The following ADAMTSL3 variants were observed in gnomAD, a reference collection of about 807,000 sequenced individuals.
ADAMTSL3 encodes ADAMTS like 3.
In ADAMTSL3, 128 loss-of-function variants were observed where a neutral mutation model predicts 201.7. The ratio of observed to expected loss-of-function variants is 0.63; its 90% confidence interval spans 0.55 to 0.73. The LOEUF (loss-of-function observed/expected upper bound fraction) is 0.73, where lower values mean the gene tolerates loss of function less well. Ranked by LOEUF, ADAMTSL3 falls within the 30% of genes least tolerant of loss-of-function variation. The probability of loss-of-function intolerance (pLI) is 0.00; values close to 1 mark genes in which losing one functional copy is unlikely to be tolerated. For synonymous variants in ADAMTSL3, 738 were observed against 748.4 expected, an observed-to-expected ratio of 0.99 and a Z score of 0.23; for missense variants, 1,990 against 2,119.6, an observed-to-expected ratio of 0.94 and a Z score of 1.20.
intron 3 of ADAMTSL3, among the ~76,000 whole-genome samples, chr15:83,740,706 C>G (rs1313538287): frequency 6.6e-6 from 1 of 152,048 alleles, no homozygotes; most frequent in African/African-American, 2.4e-5. Flanking sequence ...TTTGAGAAGA[C>G]CAATACAGTA....
chr15:83,785,039 C>T (rs1467653074), intron 4 of ADAMTSL3, among the ~76,000 whole-genome samples: 1 of 152,132 alleles, frequency 6.6e-6, no homozygotes. Flanking sequence ...CCCATTTCTT[C>T]CTTTGAGCAT....
intron 14 of ADAMTSL3, among the ~76,000 whole-genome samples, 181 bp from the exon 15 acceptor site, chr15:83,899,466 A>G (rs932828203): frequency 2.0e-5 from 3 of 152,200 alleles, no homozygotes; most frequent in African/African-American, 7.2e-5. Flanking sequence ...TTTTTTTAAT[A>G]TACAGCAGAA....
At chr15:84,016,618 T>G (rs1382816726) in intron 25 of ADAMTSL3, 119 bp downstream of exon 25, 2 of 824,754 alleles carry the variant, frequency 2.4e-6, no homozygotes, top group African/African-American at 3.5e-5. Flanking sequence ...TTCTAGGCAT[T>G]TGGCCAGCCT....
intron 3 of ADAMTSL3, among the ~76,000 whole-genome samples, chr15:83,740,350 A>G (rs2062435013): frequency 6.6e-6 from 1 of 152,214 alleles, no homozygotes; most frequent in Non-Finnish European, 1.5e-5. Context: ...TACATTTACC[A>G]CCAAAAAGTA....
At chr15:83,793,563 G>A (rs994453074) in intron 4 of ADAMTSL3, among the ~76,000 whole-genome samples, 7 of 151,970 alleles carry the variant, frequency 4.6e-5, no homozygotes, top group African/African-American at 9.7e-5. Flanking sequence ...TGCAGCCTCC[G>A]CCTCCCAGGT....
intron 6 of ADAMTSL3, among the ~76,000 whole-genome samples, chr15:83,823,489 C>T (rs1178506817): frequency 6.6e-6 from 1 of 152,152 alleles, no homozygotes; most frequent in African/African-American, 2.4e-5. Context: ...AAAACTTTGA[C>T]ATCATTCTTG....
chr15:83,772,161 G>T (rs1480866930), intron 3 of ADAMTSL3, among the ~76,000 whole-genome samples: 2 of 151,900 alleles, frequency 1.3e-5, no homozygotes, highest in Non-Finnish European at 2.9e-5. Flanking sequence ...GCCTCCTTTG[G>T]CTCTTATAGG....
intron 19 of ADAMTSL3, among the ~76,000 whole-genome samples, chr15:83,948,318 T>G (rs2066694754): frequency 1.3e-5 from 2 of 151,916 alleles, no homozygotes; most frequent in African/African-American, 2.4e-5. Flanking sequence ...TGGGAGTATT[T>G]ACACCACAGA....
At chr15:83,792,993 T>C (rs2063366500) in intron 4 of ADAMTSL3, among the ~76,000 whole-genome samples, 10 of 152,176 alleles carry the variant, frequency 6.6e-5, no homozygotes, top group Admixed American at 6.5e-4. Context: ...AATATAATAC[T>C]ATTCAGCCAT....
At position 83,960,458 on chromosome 15, in the gene ADAMTSL3, T is replaced by A. The variant is rs139965395; in HGVS notation, c.2491-10026T>A. On this transcript the variant is annotated intron_variant, in intron 19 of 29. Coordinates refer to ENST00000286744, the MANE Select transcript of ADAMTSL3 (RefSeq NM_207517.3). Reference sequence around the variant, plus strand: ...GTAAATGTGGCAGTCCTGAAAGGCCTGTTCTAGTTCTTTGATGACAGAGAC... The same window carrying A: ...GTAAATGTGGCAGTCCTGAAAGGCCAGTTCTAGTTCTTTGATGACAGAGAC... 7.5e-3 allele frequency among the ~76,000 whole-genome samples: 1,147 copies of A among 152,294 alleles called. 11 individuals are homozygous for A. Among genetic ancestry groups the A allele is most frequent in the Non-Finnish European group, 0.01 (689 of 68,032 alleles).
intron 8 of ADAMTSL3, among the ~76,000 whole-genome samples, chr15:83,865,234 G>T (rs2064950200): frequency 6.6e-6 from 1 of 152,042 alleles, no homozygotes; most frequent in African/African-American, 2.4e-5. Context: ...AGCTACCAAT[G>T]ACTTTCTTCA....
At position 83,684,030 on chromosome 15, in the gene ADAMTSL3, G is replaced by T. The variant is rs79446674; in HGVS notation, c.70-20359G>T. 1.6e-3 allele frequency among the ~76,000 whole-genome samples: 247 copies of T among 152,302 alleles called. No individual in the cohort carries two copies. In the East Asian group the frequency reaches 0.042, roughly 26 times the overall value. On this transcript the variant is annotated intron_variant, in intron 2 of 29. Transcript: ENST00000286744. ...GTCCCCGGCTAAAAACTTCACGTTG[G>T]TATTCCAACCTTAGAGCTTCATAGT...
intron 7 of ADAMTSL3, among the ~76,000 whole-genome samples, chr15:83,844,455 A>C (rs949706838): frequency 1.3e-5 from 2 of 152,216 alleles, no homozygotes; most frequent in Non-Finnish European, 2.9e-5. Context: ...GTCTGCTAAC[A>C]TGGTAACATG....
chr15:84,020,004 A>T (rs1055878734), intron 25 of ADAMTSL3, among the ~76,000 whole-genome samples: 2 of 151,948 alleles, frequency 1.3e-5, no homozygotes, highest in African/African-American at 4.8e-5. Context: ...GCTGCCTGGG[A>T]GGGGAGAGCA....
At chr15:84,013,474 A>G (rs900542003) in intron 23 of ADAMTSL3, among the ~76,000 whole-genome samples, 5 of 152,228 alleles carry the variant, frequency 3.3e-5, no homozygotes, top group Non-Finnish European at 5.9e-5. Flanking sequence ...GTCTAGAGCA[A>G]TCTTGGCATC....
At chr15:84,009,298 TA>T (rs1443053229) in intron 23 of ADAMTSL3, among the ~76,000 whole-genome samples, 1 of 152,198 alleles carries the variant, frequency 6.6e-6, no homozygotes, top group African/African-American at 2.4e-5. Context: ...CATGCTCTTT[TA>T]CTTTCCTCCA....
chr15:83,785,087 G>A (rs2063239475), intron 4 of ADAMTSL3, among the ~76,000 whole-genome samples: 1 of 152,150 alleles, frequency 6.6e-6, no homozygotes, highest in African/African-American at 2.4e-5. Context: ...TGTTGGCAGA[G>A]ATACATTTTG....
intron 3 of ADAMTSL3, among the ~76,000 whole-genome samples, chr15:83,750,768 T>C (rs575470819): frequency 6.6e-6 from 1 of 152,184 alleles, no homozygotes; most frequent in Admixed American, 6.5e-5. Context: ...GCTAGGATGG[T>C]CTCGATCTCT....
At chr15:84,004,782 T>C (rs913909532) in intron 23 of ADAMTSL3, among the ~76,000 whole-genome samples, 2 of 152,170 alleles carry the variant, frequency 1.3e-5, no homozygotes, top group African/African-American at 4.8e-5. Flanking sequence ...GATTTTGAGA[T>C]GCGTCTTTAA....
Sources: allele counts gnomAD v4.1 joint callset (sites outside exome capture counted in the v4.1 genomes callset), GRCh38; gene constraint gnomAD v4.1.1; transcripts MANE v1.5; gene names NCBI Gene and HGNC (gene_info 2026-07-23, HGNC 2026-07-21).